The following MGMT variants were observed in gnomAD, a reference collection of about 807,000 sequenced individuals.
MGMT encodes the protein methylated-DNA--protein-cysteine methyltransferase.
MGMT carries 14 observed loss-of-function variants against 15.9 expected under a neutral mutation model. The observed-to-expected ratio is 0.88, with a 90% confidence interval of 0.58 to 1.37. The LOEUF is 1.37. Ranked by LOEUF, MGMT falls within the 40% of genes most tolerant of loss-of-function variation. MGMT has a pLI of 0.00. For missense variants in MGMT, 282 were observed against 268.1 expected (o/e 1.05, Z -0.36); for synonymous variants, 130 against 118.2 (o/e 1.10, Z -0.65).
At chr10:129,515,579 T>G (rs1395299191) in intron 1 of MGMT, among the ~76,000 whole-genome samples, 2 of 152,240 alleles carry the variant, frequency 1.3e-5, no homozygotes, top group Admixed American at 1.3e-4. Context: ...TTGCGGATAT[T>G]TATCCCTTCC....
At chr10:129,688,872 C>G (rs372888627) in intron 2 of MGMT, among the ~76,000 whole-genome samples, 2 of 152,152 alleles carry the variant, frequency 1.3e-5, no homozygotes, top group Non-Finnish European at 2.9e-5. Context: ...ATCATCATTT[C>G]CTTGCAGCTC....
intron 2 of MGMT, among the ~76,000 whole-genome samples, chr10:129,697,735 T>A (rs1407312343): frequency 6.6e-6 from 1 of 152,178 alleles, no homozygotes. Flanking sequence ...AGGCGCCATG[T>A]TGCCTGGAAC....
At chr10:129,520,135 G>A (rs1845787064) in intron 1 of MGMT, among the ~76,000 whole-genome samples, 1 of 152,202 alleles carries the variant, frequency 6.6e-6, no homozygotes, top group African/African-American at 2.4e-5. Context: ...GTTCATCAGT[G>A]GGCAGAAAAA....
At chr10:129,521,242 TGAG>T (rs1415141394) in intron 1 of MGMT, among the ~76,000 whole-genome samples, 1 of 152,074 alleles carries the variant, frequency 6.6e-6, no homozygotes, top group Non-Finnish European at 1.5e-5. Flanking sequence ...ATTTGGGAAG[TGAG>T]GAGGTCACAC....
At chr10:129,762,088 T>C (rs987775636) in intron 4 of MGMT, among the ~76,000 whole-genome samples, 3 of 152,200 alleles carry the variant, frequency 2.0e-5, no homozygotes, top group African/African-American at 7.2e-5. Context: ...CAGTGAGCCA[T>C]TGCTGCTGTC....
intron 2 of MGMT, among the ~76,000 whole-genome samples, chr10:129,634,430 T>G (rs1847243589): frequency 6.6e-6 from 1 of 152,186 alleles, no homozygotes; most frequent in African/African-American, 2.4e-5. Flanking sequence ...ATATATTTTT[T>G]TCCTTTTCCT....
chr10:129,618,963 T>G (rs1235444221), intron 2 of MGMT, among the ~76,000 whole-genome samples: 2 of 152,210 alleles, frequency 1.3e-5, no homozygotes, highest in East Asian at 3.8e-4. Context: ...CTTTATACTA[T>G]GTATGCTGTT....
At chr10:129,520,572 T>C (rs61862597) in intron 1 of MGMT, among the ~76,000 whole-genome samples, 35,491 of 142,974 alleles carry the variant, frequency 0.25, 4,828 homozygotes, top group African/African-American at 0.42. Flanking sequence ...AGAGCCTCTA[T>C]GGTGCGGTGC....
At position 129,760,252 on chromosome 10, in the gene MGMT, T is replaced by C. The variant is rs1276864537; in HGVS notation, c.414+911T>C. 9.2e-5 allele frequency among the ~76,000 whole-genome samples: 14 copies of C among 152,294 alleles called. No individual in the cohort carries two copies. The South Asian group carries it at 1.5e-3, about 16-fold the overall frequency. On this transcript the variant is annotated intron_variant, in intron 4 of 4. Transcript: ENST00000651593. ...GCCCGGCCAAGGCCACACGTGCCTG[T>C]GTGTGTGGGGGCAGAAAGGGTGCCC...
intron 2 of MGMT, among the ~76,000 whole-genome samples, chr10:129,618,587 A>G (rs1589896701): frequency 6.6e-6 from 1 of 152,130 alleles, no homozygotes; most frequent in Non-Finnish European, 1.5e-5. Context: ...ATTTGCAGAG[A>G]TATTTCACAG....
intron 2 of MGMT, among the ~76,000 whole-genome samples, chr10:129,632,680 G>T (rs903983163): frequency 1.3e-5 from 2 of 152,208 alleles, no homozygotes; most frequent in Admixed American, 6.5e-5. Flanking sequence ...AACTCTGGAA[G>T]GCTTGTGCAC....
rs1848709559 is a variant in MGMT at position 129,747,650 on chromosome 10, G to C, written c.275-11552G>C. Among the ~76,000 whole-genome samples, 5 of 152,148 alleles carry C rather than the reference G, an allele frequency of 3.3e-5. No individual in the cohort carries two copies. The South Asian group carries it at 1.0e-3, about 32-fold the overall frequency. The stretch of plus-strand genomic sequence containing the variant: ...TACATTAGTACGGTACATGTGTTAT[G>C]ATTCATGAACCATTGTTGGTACCTT... On this transcript the variant is annotated intron_variant, in intron 3 of 4. Coordinates refer to ENST00000651593, the MANE Select transcript of MGMT (RefSeq NM_002412.5).
intron 2 of MGMT, among the ~76,000 whole-genome samples, chr10:129,595,774 T>A (rs1291931727): frequency 1.3e-5 from 2 of 152,142 alleles, no homozygotes; most frequent in African/African-American, 4.8e-5. Context: ...CTAATCCTCC[T>A]GCAGGTAGAA....
chr10:129,696,001 C>T (rs530509426), intron 2 of MGMT, among the ~76,000 whole-genome samples: 7 of 152,196 alleles, frequency 4.6e-5, no homozygotes, highest in South Asian at 2.1e-4. Context: ...CGCGGTCTTA[C>T]GGTATGTTTC....
intron 2 of MGMT, chr10:129,700,833 G>C (rs916891809): frequency 2.0e-5 from 3 of 152,150 alleles, no homozygotes; most frequent in Admixed American, 6.5e-5. Context: ...TCAAACACAA[G>C]ACACTCTGCT....
At chr10:129,704,836 C>T (rs988042163) in intron 2 of MGMT, among the ~76,000 whole-genome samples, 1 of 152,138 alleles carries the variant, frequency 6.6e-6, no homozygotes, top group Admixed American at 6.5e-5. Context: ...ACAAAATGCT[C>T]CAGCCCAGAG....
intron 1 of MGMT, among the ~76,000 whole-genome samples, chr10:129,523,836 T>C (rs558785131): frequency 2.0e-4 from 30 of 152,288 alleles, no homozygotes; most frequent in Admixed American, 1.8e-3. Flanking sequence ...CACGAGATTG[T>C]GTGAGTCCAC....
intron 2 of MGMT, among the ~76,000 whole-genome samples, chr10:129,653,550 A>G (rs1186858171): frequency 6.6e-6 from 1 of 152,226 alleles, no homozygotes; most frequent in Non-Finnish European, 1.5e-5. Context: ...TAACGCCTGC[A>G]AACCCGACCC....
chr10:129,638,429 C>CAAAAAAAAAAGAAAAAAAAAAA lies in MGMT; in HGVS notation c.126-69456_126-69455insGAAAAAAAAAAAAAAAAAAAAA, dbSNP rs1847286542. On this transcript the variant is annotated intron_variant, in intron 2 of 4. Transcript: ENST00000651593. ...GAAGTCCAAGAGAGGACCAAAGAGG[C>CAAAAAAAAAAGAAAAAAAAAAA]AAAAAAAAAAAAAAAAGAAAAAAAA... Among the ~76,000 whole-genome samples the CAAAAAAAAAAGAAAAAAAAAAA allele has an allele frequency of 4.9e-5, 3 of 61,756 alleles. 1 individual carries two copies. The highest frequency in any genetic ancestry group is 6.5e-5 in the Non-Finnish European group (2 of 30,736). 40.5% of individuals were successfully genotyped at this position (61,756 alleles called of 152,430 possible).
Sources: gnomAD v4.1 joint callset for allele counts (sites outside exome capture counted in the v4.1 genomes callset) on GRCh38, gnomAD v4.1.1 for gene constraint, MANE v1.5 for transcripts, NCBI Gene and HGNC (gene_info 2026-07-23, HGNC 2026-07-21) for gene names.